Variants in TTC28 observed in about 807,000 individuals in gnomAD.
TTC28 encodes tetratricopeptide repeat domain 28, also known as tetratricopeptide repeat protein 28.
Under a neutral mutation model 198.0 loss-of-function variants are expected in TTC28, and 61 were observed. That is an observed-to-expected ratio of 0.31 (90% confidence interval 0.25 to 0.38). The LOEUF is 0.38. Among genes scored for constraint, TTC28 ranks in the 10% least tolerant of loss-of-function variants. TTC28 has a pLI of 1.00. For synonymous variants in TTC28, 1,171 were observed against 1,297.8 expected, an observed-to-expected ratio of 0.90 and a Z score of 2.10; for missense variants, 2,678 against 3,164.0, an observed-to-expected ratio of 0.85 and a Z score of 3.69.
chr22:28,586,102 A>G (rs1290234442), intron 2 of TTC28, among the ~76,000 whole-genome samples: 1 of 152,022 alleles, frequency 6.6e-6, no homozygotes, highest in Admixed American at 6.5e-5. Flanking sequence ...AACATGGTGA[A>G]ACCCCCTCTC....
In TTC28 at chr22:27,987,624, T is replaced by C. The variant is rs544096124; in HGVS notation, c.5707+2254A>G. 2.6e-5 allele frequency among the ~76,000 whole-genome samples: 4 copies of C among 152,248 alleles called. No homozygotes were observed. In the South Asian group the frequency reaches 6.2e-4, roughly 24 times the overall value. The stretch of plus-strand genomic sequence containing the variant: ...GGTGCATGCCTCAAGTCCCAGCTAC[T>C]TGGGAGGTGGAGATTGCAGTGAGCT... On this transcript the variant is annotated intron_variant, in intron 21 of 22. Transcript: ENST00000397906.
At chr22:28,569,841 A>T (rs1238009850) in intron 2 of TTC28, among the ~76,000 whole-genome samples, 1 of 152,226 alleles carries the variant, frequency 6.6e-6, no homozygotes, top group African/African-American at 2.4e-5. Flanking sequence ...TAAGATCTAT[A>T]AGGAACTTAA....
At chr22:28,548,380 G>T (rs2049588500) in intron 2 of TTC28, among the ~76,000 whole-genome samples, 1 of 152,186 alleles carries the variant, frequency 6.6e-6, no homozygotes, top group African/African-American at 2.4e-5. Flanking sequence ...TTCCAGCCCA[G>T]TATCAAACCA....
chr22:28,217,805 T>C (rs73882711), intron 5 of TTC28, among the ~76,000 whole-genome samples: 2,014 of 152,322 alleles, frequency 0.013, 44 homozygotes, highest in African/African-American at 0.046. Context: ...TGAATATTTG[T>C]TAACCCATTA....
intron 5 of TTC28, among the ~76,000 whole-genome samples, chr22:28,253,364 A>C (rs1320238961): frequency 6.6e-6 from 1 of 152,224 alleles, no homozygotes; most frequent in Non-Finnish European, 1.5e-5. Context: ...CATTCCAATA[A>C]ACAAAGACTG....
intron 2 of TTC28, among the ~76,000 whole-genome samples, chr22:28,520,000 T>C (rs1373103082): frequency 6.6e-6 from 1 of 152,230 alleles, no homozygotes; most frequent in Non-Finnish European, 1.5e-5. Context: ...TGAGTATATC[T>C]GTAAATAATA....
intron 2 of TTC28, among the ~76,000 whole-genome samples, chr22:28,356,962 G>C (rs1295324171): frequency 6.6e-6 from 1 of 152,172 alleles, no homozygotes; most frequent in African/African-American, 2.4e-5. Context: ...GCATGCCCAA[G>C]AATCTGGCCC....
chr22:28,506,413 T>C (rs1404997326), intron 2 of TTC28, among the ~76,000 whole-genome samples: 2 of 152,174 alleles, frequency 1.3e-5, no homozygotes, highest in African/African-American at 2.4e-5. Flanking sequence ...GATCTCTCCC[T>C]GGGACAGAGC....
intron 2 of TTC28, among the ~76,000 whole-genome samples, chr22:28,622,787 T>C (rs1352479549): frequency 6.6e-6 from 1 of 151,976 alleles, no homozygotes; most frequent in East Asian, 1.9e-4. Flanking sequence ...AAAGAGTAAG[T>C]AGAAGGCTGG....
At chr22:28,273,179 T>G (rs578093059) in intron 5 of TTC28, among the ~76,000 whole-genome samples, 1 of 152,186 alleles carries the variant, frequency 6.6e-6, no homozygotes, top group Non-Finnish European at 1.5e-5. Context: ...TGCCAGATAT[T>G]AAAGGAAATG....
At chr22:28,641,421 T>C (rs753042612) in intron 1 of TTC28, among the ~76,000 whole-genome samples, 28 of 152,122 alleles carry the variant, frequency 1.8e-4, no homozygotes, top group Non-Finnish European at 3.8e-4. Flanking sequence ...CAAAAGGCCA[T>C]ATACTGTATG....
chr22:28,024,358 C>A (rs1160994095), intron 13 of TTC28, among the ~76,000 whole-genome samples: 1 of 152,126 alleles, frequency 6.6e-6, no homozygotes, highest in Non-Finnish European at 1.5e-5. Flanking sequence ...AAGTGAAGAC[C>A]CTGAGATGTG....
intron 6 of TTC28, among the ~76,000 whole-genome samples, chr22:28,137,386 C>T (rs945174862): frequency 2.8e-4 from 43 of 152,194 alleles, no homozygotes; most frequent in Middle Eastern, 3.2e-3. Context: ...ACCTCTCTCT[C>T]TCTGCCTTTC....
chr22:28,074,746 T>TCC lies in TTC28; in HGVS notation c.3932+19332_3932+19333dup, dbSNP rs59127361. 1.4e-3 allele frequency among the ~76,000 whole-genome samples: 213 copies of TCC among 151,774 alleles called. 1 individual carries two copies. The highest frequency in any genetic ancestry group is 4.8e-3 in the African/African-American group (198 of 41,362). On this transcript the variant is annotated intron_variant, in intron 12 of 22. Transcript: ENST00000397906. ...GCTGACACTACCATTCACCAGATTA[T>TCC]CCCCCCCCATGTACAATGGGATAAC...
chr22:28,298,322 T>A (rs1251831810), intron 3 of TTC28, among the ~76,000 whole-genome samples: 3 of 152,234 alleles, frequency 2.0e-5, no homozygotes, highest in South Asian at 2.1e-4. Context: ...ATTAATTTTT[T>A]AAATATTTTT....
At chr22:28,604,297 T>TTATATATATATATATATATATATATA (rs35077140) in intron 2 of TTC28, among the ~76,000 whole-genome samples, 8 of 114,094 alleles carry the variant, frequency 7.0e-5, no homozygotes, top group South Asian at 2.8e-4. Flanking sequence ...AAAAAAAAAA[T>TTATATATATATATATATATATATATA]TATATATATA....
At chr22:28,417,922 T>C (rs979391748) in intron 2 of TTC28, among the ~76,000 whole-genome samples, 2 of 152,222 alleles carry the variant, frequency 1.3e-5, no homozygotes, top group African/African-American at 2.4e-5. Flanking sequence ...CACTACTCTT[T>C]GGTTTCTCTA....
intron 6 of TTC28, among the ~76,000 whole-genome samples, chr22:28,130,748 A>G (rs1943042162): frequency 6.6e-6 from 1 of 152,152 alleles, no homozygotes; most frequent in South Asian, 2.1e-4. Context: ...TCAATTGTTG[A>G]TCACTTCTAT....
chr22:28,135,023 T>C (rs538243243), intron 6 of TTC28, among the ~76,000 whole-genome samples: 3 of 152,360 alleles, frequency 2.0e-5, no homozygotes, highest in Non-Finnish European at 4.4e-5. Flanking sequence ...CTTTTCTCAT[T>C]AAATCTAAGA....
Sources: gnomAD v4.1 joint callset for allele counts (sites outside exome capture counted in the v4.1 genomes callset) on GRCh38, gnomAD v4.1.1 for gene constraint, MANE v1.5 for transcripts, NCBI Gene and HGNC (gene_info 2026-07-23, HGNC 2026-07-21) for gene names.